ATP8A1: variants seen among roughly 807,000 people sequenced by gnomAD.
ATP8A1 encodes ATPase phospholipid transporting 8A1, also known as phospholipid-transporting ATPase IA.
ATP8A1 carries 90 observed loss-of-function variants against 177.7 expected under a neutral mutation model. That is an observed-to-expected ratio of 0.51 (90% CI 0.43 to 0.60). The LOEUF (loss-of-function observed/expected upper bound fraction) is 0.60, where lower values mean the gene tolerates loss of function less well. Among genes scored for constraint, ATP8A1 ranks in the 20% least tolerant of loss-of-function variants. ATP8A1 has a pLI of 0.00. For synonymous variants in ATP8A1, 493 were observed against 485.9 expected (o/e 1.01, Z -0.19); for missense variants, 1,072 against 1,392.8 (o/e 0.77, Z 3.67).
intron 4 of ATP8A1, among the ~76,000 whole-genome samples, chr4:42,618,619 T>C (rs971358693): frequency 6.6e-6 from 1 of 152,174 alleles, no homozygotes; most frequent in Non-Finnish European, 1.5e-5. Flanking sequence ...CAATAAATAT[T>C]TACTAAACAC....
chr4:42,586,440 T>G lies in ATP8A1; in HGVS notation c.631A>C (p.Ser211Arg). The G allele has an allele frequency of 1.2e-6, 2 of 1,614,140 alleles. No homozygotes were observed. The highest frequency in any genetic ancestry group is 1.7e-6 in the Non-Finnish European group (2 of 1,179,970). Reference sequence around the variant, plus strand: ...ATTCTGCCAGAAATCCTCATCAAACTGTCAACGTCTTTGATATCTGATGTT... The same window carrying G: ...ATTCTGCCAGAAATCCTCATCAAACGGTCAACGTCTTTGATATCTGATGTT... ...PATSDIKDVD[S>R]LMRISGRIEC... The change falls in exon 9 of 37, where the codon AGT becomes CGT. Residue 211 changes from serine to arginine, a missense_variant. Transcript: ENST00000381668.
chr4:42,627,134 A>C, intron 1 of ATP8A1, 25 bp from the exon 2 acceptor site: 3 of 1,560,166 alleles, frequency 1.9e-6, no homozygotes, highest in Non-Finnish European at 2.6e-6. Flanking sequence ...TTCTTATTGT[A>C]CAAGAAATGT....
chr4:42,635,148 T>C (rs1739143389), intron 1 of ATP8A1, among the ~76,000 whole-genome samples: 1 of 152,090 alleles, frequency 6.6e-6, no homozygotes, highest in Non-Finnish European at 1.5e-5. Context: ...ATTTGGTCAA[T>C]TAATATTGAG....
At chr4:42,643,355 AT>A (rs1423024153) in intron 1 of ATP8A1, among the ~76,000 whole-genome samples, 1 of 152,206 alleles carries the variant, frequency 6.6e-6, no homozygotes, top group Admixed American at 6.5e-5. Context: ...AAACATATGT[AT>A]TTTTGACACA....
At chr4:42,428,378 G>A (rs1057312319) in intron 33 of ATP8A1, among the ~76,000 whole-genome samples, 2 of 152,216 alleles carry the variant, frequency 1.3e-5, no homozygotes, top group Non-Finnish European at 2.9e-5. Flanking sequence ...CTTGGTACAA[G>A]CTATTCAGGG....
At chr4:42,555,831 T>G in intron 16 of ATP8A1, 137 bp downstream of exon 16, 1 of 636,254 alleles carries the variant, frequency 1.6e-6, no homozygotes, top group Non-Finnish European at 2.6e-6. Context: ...CTCAAATAAC[T>G]AACTAACTAA....
chr4:42,481,473 C>T (rs1244375583), intron 25 of ATP8A1, among the ~76,000 whole-genome samples: 1 of 152,130 alleles, frequency 6.6e-6, no homozygotes, highest in African/African-American at 2.4e-5. Context: ...CATCAGATAC[C>T]CAAACTGCCA....
intron 20 of ATP8A1, among the ~76,000 whole-genome samples, chr4:42,531,342 A>C (rs1347089404): frequency 6.6e-6 from 1 of 152,220 alleles, no homozygotes; most frequent in Non-Finnish European, 1.5e-5. Context: ...GGCAAAGGGA[A>C]AACAGAATGG....
chr4:42,620,748 G>A (rs1737387950), intron 4 of ATP8A1, among the ~76,000 whole-genome samples: 2 of 152,208 alleles, frequency 1.3e-5, no homozygotes, highest in African/African-American at 4.8e-5. Flanking sequence ...TTTAGTAAAT[G>A]TAAAGGACAT....
intron 20 of ATP8A1, among the ~76,000 whole-genome samples, chr4:42,540,081 A>G (rs1728231618): frequency 6.6e-6 from 1 of 152,200 alleles, no homozygotes; most frequent in Non-Finnish European, 1.5e-5. Flanking sequence ...CAAGAAACTG[A>G]AACAACAGGC....
At chr4:42,465,131 T>C (rs1719597649) in intron 25 of ATP8A1, 55 bp from the exon 26 acceptor site, 1 of 1,478,814 alleles carries the variant, frequency 6.8e-7, no homozygotes, top group Non-Finnish European at 9.3e-7. Flanking sequence ...AATTTTGAAA[T>C]GCCATCGTGT....
chr4:42,496,605 G>A (rs1049251271), intron 24 of ATP8A1, among the ~76,000 whole-genome samples: 1 of 152,088 alleles, frequency 6.6e-6, no homozygotes, highest in African/African-American at 2.4e-5. Flanking sequence ...CAGAACCACA[G>A]AGAAAGCTAA....
intron 1 of ATP8A1, among the ~76,000 whole-genome samples, chr4:42,642,968 A>T (rs1740160952): frequency 6.6e-6 from 1 of 152,234 alleles, no homozygotes; most frequent in African/African-American, 2.4e-5. Context: ...AGATTCAAAA[A>T]ACATTTGCTT....
In ATP8A1 at chr4:42,549,027, G is replaced by A. The variant is rs1336060392; in HGVS notation, c.1638C>T (p.Val546=). The change falls in exon 19 of 37, where the codon GTC becomes GTT. Residue 546 remains valine (V), a synonymous_variant. Transcript: ENST00000381668. ...AGATGTTTTACCTGGTAAACTCCAA[G>A]ACATTGAGCAATTCATATCTTTCTT... ...GQEERYELLN[V]LEFTSARKRM... 1 of 1,611,556 alleles carries A rather than the reference G, an allele frequency of 6.2e-7. No individual in the cohort carries two copies. The highest frequency in any genetic ancestry group is 1.3e-5 in the African/African-American group (1 of 74,838).
At chr4:42,601,422 G>A (rs1262576156) in intron 5 of ATP8A1, among the ~76,000 whole-genome samples, 1 of 151,510 alleles carries the variant, frequency 6.6e-6, no homozygotes, top group African/African-American at 2.4e-5. Flanking sequence ...ATGATGGGGG[G>A]TAGGTATTTC....
At chr4:42,459,727 A>G (rs1161967333) in intron 27 of ATP8A1, among the ~76,000 whole-genome samples, 1 of 152,228 alleles carries the variant, frequency 6.6e-6, no homozygotes, top group African/African-American at 2.4e-5. Flanking sequence ...AGCAGTAATG[A>G]ACGAGTAAGT....
chr4:42,584,694 C>G (rs1182932138), intron 9 of ATP8A1, among the ~76,000 whole-genome samples: 1 of 152,206 alleles, frequency 6.6e-6, no homozygotes, highest in African/African-American at 2.4e-5. Flanking sequence ...TATACCCTTT[C>G]ATTCTCAGTT....
At chr4:42,552,893 C>T (rs754206691) in intron 16 of ATP8A1, among the ~76,000 whole-genome samples, 5 of 152,260 alleles carry the variant, frequency 3.3e-5, no homozygotes, top group South Asian at 2.1e-4. Flanking sequence ...TCAGGAGAAT[C>T]GCTTGAACCC....
chr4:42,594,232 A>G, intron 6 of ATP8A1: 2 of 909,212 alleles, frequency 2.2e-6, no homozygotes, highest in Admixed American at 2.2e-5. Flanking sequence ...TCACAAGGTC[A>G]ATGCAGGGTA....
Sources: allele counts gnomAD v4.1 joint callset (sites outside exome capture counted in the v4.1 genomes callset), GRCh38; gene constraint gnomAD v4.1.1; transcripts MANE v1.5; gene names NCBI Gene and HGNC (gene_info 2026-07-23, HGNC 2026-07-21).